Variants in BBS9 observed in about 807,000 individuals in gnomAD.
The protein encoded by BBS9 is Bardet-Biedl syndrome 9.
A neutral mutation model predicts 117.7 loss-of-function variants in BBS9; 89 were observed. The ratio of observed to expected loss-of-function variants is 0.76; its 90% CI spans 0.64 to 0.90. The LOEUF is 0.90. Among genes scored for constraint, BBS9 ranks in the 40% least tolerant of loss-of-function variants. The probability of loss-of-function intolerance (pLI) is 0.00; values close to 1 mark genes in which losing one functional copy is unlikely to be tolerated. For missense variants in BBS9, 982 were observed against 1,042.2 expected (o/e 0.94, Z 0.80); for synonymous variants, 379 against 370.9 (o/e 1.02, Z -0.25).
intron 19 of BBS9, among the ~76,000 whole-genome samples, chr7:33,441,021 A>G (rs376239691): frequency 4.6e-5 from 7 of 152,368 alleles, no homozygotes; most frequent in African/African-American, 4.8e-5. Context: ...CATTGAACTG[A>G]GAACTTAAAA....
At chr7:33,339,977 A>G (rs192413285) in intron 10 of BBS9, among the ~76,000 whole-genome samples, 1 of 151,010 alleles carries the variant, frequency 6.6e-6, no homozygotes, top group Non-Finnish European at 1.5e-5. Flanking sequence ...ATATGTATAT[A>G]TATTATATAT....
At chr7:33,210,155 A>G (rs2128223880) in intron 5 of BBS9, among the ~76,000 whole-genome samples, 1 of 151,988 alleles carries the variant, frequency 6.6e-6, no homozygotes, top group South Asian at 2.1e-4. Flanking sequence ...TGACACACTG[A>G]TCATTCAGGA....
intron 19 of BBS9, among the ~76,000 whole-genome samples, chr7:33,438,481 G>A (rs1835646086): frequency 6.6e-6 from 1 of 152,172 alleles, no homozygotes; most frequent in Non-Finnish European, 1.5e-5. Flanking sequence ...AGAAAAATTA[G>A]GCAATGGATA....
intron 5 of BBS9, among the ~76,000 whole-genome samples, chr7:33,214,835 T>C (rs1295510476): frequency 1.3e-5 from 2 of 152,116 alleles, no homozygotes; most frequent in African/African-American, 2.4e-5. Context: ...TTCGTGGAGA[T>C]AGAAAAAACA....
intron 19 of BBS9, among the ~76,000 whole-genome samples, chr7:33,456,101 T>A (rs910920183): frequency 6.6e-6 from 1 of 152,204 alleles, no homozygotes; most frequent in Non-Finnish European, 1.5e-5. Flanking sequence ...ATTTGTGTCC[T>A]TTGGTGAACA....
chr7:33,360,664 G>A (rs1195008184), intron 16 of BBS9, among the ~76,000 whole-genome samples: 1 of 151,732 alleles, frequency 6.6e-6, no homozygotes, highest in Non-Finnish European at 1.5e-5. Context: ...GAGACTACAG[G>A]CATATACCAC....
chr7:33,468,996 T>C (rs1237679409), intron 19 of BBS9, among the ~76,000 whole-genome samples: 2 of 63,152 alleles, frequency 3.2e-5, no homozygotes, highest in East Asian at 7.9e-4. Context: ...AATCTACTGA[T>C]TCCTTTTTTT....
chr7:33,428,988 T>C (rs778283232), intron 19 of BBS9, among the ~76,000 whole-genome samples: 4 of 152,180 alleles, frequency 2.6e-5, no homozygotes, highest in Non-Finnish European at 5.9e-5. Context: ...GATATATCTT[T>C]TGGAGATTAA....
At chr7:33,623,654 A>G (rs1241519885) in intron 21 of BBS9, among the ~76,000 whole-genome samples, 3 of 152,224 alleles carry the variant, frequency 2.0e-5, no homozygotes, top group Non-Finnish European at 4.4e-5. Flanking sequence ...GACCAATTTC[A>G]ATATATTCTT....
intron 21 of BBS9, among the ~76,000 whole-genome samples, chr7:33,581,771 TAGA>T (rs1475811047): frequency 1.3e-5 from 2 of 152,188 alleles, no homozygotes; most frequent in Non-Finnish European, 2.9e-5. Flanking sequence ...ACAAGGTTTT[TAGA>T]AAGTAAAAGC....
chr7:33,236,445 T>C (rs1048274949), intron 5 of BBS9, among the ~76,000 whole-genome samples: 19 of 151,828 alleles, frequency 1.3e-4, no homozygotes, highest in African/African-American at 4.6e-4. Flanking sequence ...GAATTTTATA[T>C]ATTTATTTAT....
chr7:33,533,792 C>G (rs1350810779), intron 20 of BBS9, 162 bp from the exon 21 acceptor site: 7 of 780,398 alleles, frequency 9.0e-6, no homozygotes, highest in African/African-American at 5.2e-5. Context: ...GGTGACAGAG[C>G]CAGAATTCCA....
intron 19 of BBS9, among the ~76,000 whole-genome samples, chr7:33,488,988 CTTTT>C (rs869216155): frequency 9.7e-6 from 1 of 103,334 alleles, no homozygotes; most frequent in African/African-American, 3.8e-5. Context: ...GGACAGACTT[CTTTT>C]TTTTTTTTTT....
intron 17 of BBS9, among the ~76,000 whole-genome samples, chr7:33,368,617 C>T (rs954412206): frequency 6.8e-6 from 1 of 147,322 alleles, no homozygotes; most frequent in African/African-American, 2.6e-5. Flanking sequence ...CACACACACA[C>T]CCATACCCCC....
At chr7:33,502,129 C>T (rs563078229) in intron 19 of BBS9, among the ~76,000 whole-genome samples, 7 of 152,226 alleles carry the variant, frequency 4.6e-5, no homozygotes, top group South Asian at 4.1e-4. Flanking sequence ...AGGCTGCTCT[C>T]GAATGCCTGA....
chr7:33,490,867 G>A (rs768901903), intron 19 of BBS9, among the ~76,000 whole-genome samples: 10 of 152,212 alleles, frequency 6.6e-5, no homozygotes, highest in Non-Finnish European at 1.3e-4. Context: ...GCTCCGTGGA[G>A]TTCTTTCAAA....
chr7:33,471,381 T>TA lies in BBS9; in HGVS notation c.2116-34076dup, dbSNP rs576362277. Reference sequence around the variant, plus strand: ...TTCATTAGTATTTCTTGTCTTAGCATAAAAAATGGCAAGTTGGCTGTTCAT... The same window carrying TA: ...TTCATTAGTATTTCTTGTCTTAGCATAAAAAAATGGCAAGTTGGCTGTTCAT... On this transcript the variant is annotated intron_variant, in intron 19 of 22. Coordinates refer to ENST00000242067, the MANE Select transcript of BBS9 (RefSeq NM_198428.3). Among the ~76,000 whole-genome samples, 476 of 152,324 alleles carry TA rather than the reference T, an allele frequency of 3.1e-3. 6 individuals carry two copies. In the South Asian group the frequency reaches 0.036, roughly 12 times the overall value.
At chr7:33,523,128 C>T (rs1362383105) in intron 20 of BBS9, among the ~76,000 whole-genome samples, 1 of 147,210 alleles carries the variant, frequency 6.8e-6, no homozygotes, top group East Asian at 2.0e-4. Context: ...GGTACCAGTA[C>T]CATGCTGTTT....
intron 2 of BBS9, among the ~76,000 whole-genome samples, chr7:33,147,797 C>T (rs1036842193): frequency 5.3e-5 from 8 of 152,166 alleles, no homozygotes; most frequent in Non-Finnish European, 8.8e-5. Flanking sequence ...CAGTAGGTTA[C>T]GAATATGCTG....
Sources: gnomAD v4.1 joint callset for allele counts (sites outside exome capture counted in the v4.1 genomes callset) on GRCh38, gnomAD v4.1.1 for gene constraint, MANE v1.5 for transcripts, NCBI Gene and HGNC (gene_info 2026-07-23, HGNC 2026-07-21) for gene names.